AGBL4: variants seen among roughly 807,000 people sequenced by gnomAD.
AGBL4 encodes the protein cytosolic carboxypeptidase 6.
AGBL4 carries 58 observed loss-of-function variants against 66.4 expected under a neutral mutation model. The ratio of observed to expected loss-of-function variants is 0.87; its 90% CI spans 0.71 to 1.09. The LOEUF is 1.09. Ranked by LOEUF, AGBL4 falls within the 50% of genes least tolerant of loss-of-function variation. AGBL4 has a pLI of 0.00. For synonymous variants in AGBL4, 234 were observed against 222.9 expected, an observed-to-expected ratio of 1.05 and a Z score of -0.44; for missense variants, 579 against 631.0, an observed-to-expected ratio of 0.92 and a Z score of 0.88.
intron 2 of AGBL4, among the ~76,000 whole-genome samples, chr1:49,752,355 G>A (rs1389153144): frequency 6.6e-6 from 1 of 152,170 alleles, no homozygotes; most frequent in Non-Finnish European, 1.5e-5. Flanking sequence ...TCAGGAGCAG[G>A]TTGTTCAGTT....
At chr1:49,150,038 A>G (rs1646296664) in intron 4 of AGBL4, among the ~76,000 whole-genome samples, 1 of 152,306 alleles carries the variant, frequency 6.6e-6, no homozygotes, top group Middle Eastern at 3.4e-3. Context: ...ATATAGACAC[A>G]TGAGGTCTAT....
Position 49,297,144 on chromosome 1 carries a change from T to C in AGBL4, c.283-51280A>G, listed in dbSNP as rs138773343. On this transcript the variant is annotated intron_variant, in intron 3 of 13. Coordinates refer to ENST00000371839, the MANE Select transcript of AGBL4 (RefSeq NM_032785.4). Reference sequence around the variant, plus strand: ...CTCATTTTTGTCAATCCCTAGTTTCTATTCCATTGTCTCACATCTGGCCAA... The same window carrying C: ...CTCATTTTTGTCAATCCCTAGTTTCCATTCCATTGTCTCACATCTGGCCAA... Among the ~76,000 whole-genome samples the C allele has an allele frequency of 2.3e-4, 35 of 152,378 alleles. No individual in the cohort carries two copies. The East Asian group carries it at 5.4e-3, about 23-fold the overall frequency.
intron 3 of AGBL4, among the ~76,000 whole-genome samples, chr1:49,573,132 C>G (rs1018256861): frequency 7.7e-4 from 97 of 126,050 alleles, no homozygotes; most frequent in African/African-American, 1.9e-3. Context: ...ATATGTGTGT[C>G]TGTGTGTGTG....
chr1:48,572,166 C>T (rs890804490), intron 11 of AGBL4, among the ~76,000 whole-genome samples: 16 of 152,054 alleles, frequency 1.1e-4, no homozygotes, highest in Non-Finnish European at 1.8e-4. Context: ...AGGACAGGGA[C>T]TACCGAGCCC....
intron 3 of AGBL4, among the ~76,000 whole-genome samples, chr1:49,546,329 ATATT>A (rs1652481361): frequency 1.3e-5 from 2 of 150,562 alleles, no homozygotes; most frequent in East Asian, 3.9e-4. Context: ...TCCATCATAT[ATATT>A]TACATATGTA....
intron 4 of AGBL4, among the ~76,000 whole-genome samples, chr1:49,086,629 G>A (rs780120818): frequency 6.6e-6 from 1 of 151,858 alleles, no homozygotes; most frequent in African/African-American, 2.4e-5. Flanking sequence ...GCCAAGGGGC[G>A]CAGGCTCCCA....
At chr1:49,119,700 C>T (rs1204536940) in intron 4 of AGBL4, among the ~76,000 whole-genome samples, 1 of 152,094 alleles carries the variant, frequency 6.6e-6, no homozygotes, top group Non-Finnish European at 1.5e-5. Context: ...GAGTTCTGTA[C>T]ATATCTATTA....
chr1:49,897,608 A>T (rs1484013395), intron 1 of AGBL4, among the ~76,000 whole-genome samples: 1 of 152,016 alleles, frequency 6.6e-6, no homozygotes, highest in African/African-American at 2.4e-5. Context: ...AAAAATCCTA[A>T]AATTTCTATG....
chr1:49,587,692 G>T (rs917976866), intron 3 of AGBL4, among the ~76,000 whole-genome samples: 2 of 152,008 alleles, frequency 1.3e-5, no homozygotes, highest in Non-Finnish European at 2.9e-5. Flanking sequence ...AACACAACAG[G>T]TGTATATATA....
chr1:48,834,960 G>A (rs1264926212), intron 6 of AGBL4, among the ~76,000 whole-genome samples: 1 of 152,108 alleles, frequency 6.6e-6, no homozygotes, highest in Non-Finnish European at 1.5e-5. Context: ...CCAGCCTTGT[G>A]ATTTGTTCTT....
At chr1:49,195,308 T>A (rs1647207988) in intron 4 of AGBL4, among the ~76,000 whole-genome samples, 2 of 152,356 alleles carry the variant, frequency 1.3e-5, no homozygotes, top group South Asian at 4.1e-4. Context: ...TATTTCCATG[T>A]TTAGAACTCC....
Position 49,712,450 on chromosome 1 carries a change from G to C in AGBL4, c.158-15013C>G, listed in dbSNP as rs529366287. Among the ~76,000 whole-genome samples the C allele has an allele frequency of 1.4e-4, 21 of 151,830 alleles. No homozygotes were observed. In the South Asian group the frequency reaches 1.7e-3, roughly 12 times the overall value. On this transcript the variant is annotated intron_variant, in intron 2 of 13. Transcript: ENST00000371839. ...GGCAGTTACCAGAGATGGGGGTGGG[G>C]GCAGGGAATGAAGAATGGGGAGATA...
At position 48,533,855 on chromosome 1, in the gene AGBL4, A is replaced by G; in HGVS notation, c.*318T>C. The G allele has an allele frequency of 2.7e-6, 1 of 364,682 alleles. No individual in the cohort carries two copies. The highest frequency in any genetic ancestry group is 2.6e-5 in the South Asian group (1 of 38,994). 22.6% of individuals were successfully genotyped at this position (364,682 alleles called of 1,614,324 possible). A position where few individuals can be genotyped will look rare whatever the true frequency, so the allele number is the denominator to read the frequency against. ...GTGGCTTTGAAAGAACTGACCTGAT[A>G]TGTGTCAAATCTCTTAAAAGGGATG... On this transcript the variant is annotated 3_prime_UTR_variant, in exon 14 of 14. Coordinates refer to ENST00000371839, the MANE Select transcript of AGBL4 (RefSeq NM_032785.4).
chr1:50,005,527 A>G (rs1366454126), intron 1 of AGBL4, among the ~76,000 whole-genome samples: 1 of 152,188 alleles, frequency 6.6e-6, no homozygotes, highest in Admixed American at 6.5e-5. Context: ...CCTTTCAAAG[A>G]AGGACAAGAA....
chr1:49,260,983 GC>G (rs1270536004), intron 3 of AGBL4, among the ~76,000 whole-genome samples: 1 of 149,762 alleles, frequency 6.7e-6, no homozygotes, highest in Non-Finnish European at 1.5e-5. Flanking sequence ...CTTCATCCCT[GC>G]GATGCAAGGC....
intron 3 of AGBL4, among the ~76,000 whole-genome samples, chr1:49,548,706 A>G (rs139627052): frequency 0.025 from 3,808 of 152,210 alleles, 69 homozygotes; most frequent in Non-Finnish European, 0.036. Context: ...TTTAGCATCT[A>G]TGTTCATCAA....
intron 1 of AGBL4, among the ~76,000 whole-genome samples, chr1:49,999,350 A>G (rs1025387626): frequency 7.1e-6 from 1 of 140,482 alleles, no homozygotes; most frequent in Non-Finnish European, 1.6e-5. Context: ...AAAAAAAAAA[A>G]TACTCAGAAT....
At chr1:49,285,855 C>T (rs1196326572) in intron 3 of AGBL4, among the ~76,000 whole-genome samples, 8 of 152,186 alleles carry the variant, frequency 5.3e-5, no homozygotes, top group Non-Finnish European at 1.2e-4. Context: ...CTCCCTAACT[C>T]ATTTGATGAG....
intron 2 of AGBL4, among the ~76,000 whole-genome samples, chr1:49,722,866 G>A (rs1293537197): frequency 6.6e-6 from 1 of 152,020 alleles, no homozygotes; most frequent in Non-Finnish European, 1.5e-5. Flanking sequence ...TTTTATTTGA[G>A]GAATGTGAGC....
Sources: allele counts gnomAD v4.1 joint callset (sites outside exome capture counted in the v4.1 genomes callset), GRCh38; gene constraint gnomAD v4.1.1; transcripts MANE v1.5; gene names NCBI Gene and HGNC (gene_info 2026-07-23, HGNC 2026-07-21).